THSD7B: variants seen among roughly 807,000 people sequenced by gnomAD.
The protein encoded by THSD7B is thrombospondin type-1 domain-containing protein 7B.
In THSD7B, 138 loss-of-function variants were observed where a neutral mutation model predicts 213.6. That is an observed-to-expected ratio of 0.65 (90% CI 0.56 to 0.74). The LOEUF is 0.74. Among genes scored for constraint, THSD7B ranks in the 30% least tolerant of loss-of-function variants. THSD7B has a pLI of 0.00. For missense variants in THSD7B, 1,931 were observed against 1,991.5 expected (o/e 0.97, Z 0.58); for synonymous variants, 742 against 687.0 (o/e 1.08, Z -1.25).
At chr2:136,853,621 A>G (rs908354590) in intron 1 of THSD7B, among the ~76,000 whole-genome samples, 1 of 152,178 alleles carries the variant, frequency 6.6e-6, no homozygotes, top group Non-Finnish European at 1.5e-5. Context: ...TGTTTGAGTA[A>G]CATTTTGTGG....
chr2:137,111,279 A>G (rs1463974394), intron 4 of THSD7B, among the ~76,000 whole-genome samples: 2 of 152,184 alleles, frequency 1.3e-5, no homozygotes, highest in South Asian at 2.1e-4. Context: ...TCCTCGGACC[A>G]AGATCAACAT....
intron 12 of THSD7B, among the ~76,000 whole-genome samples, chr2:137,364,568 G>A (rs1350373614): frequency 6.6e-6 from 1 of 152,096 alleles, no homozygotes; most frequent in African/African-American, 2.4e-5. Context: ...AAATCAATGT[G>A]CCAAAATCAC....
chr2:136,890,358 C>CTTT, intron 2 of THSD7B, among the ~76,000 whole-genome samples: 1 of 5,686 alleles, frequency 1.8e-4, no homozygotes, highest in Non-Finnish European at 4.6e-4. Context: ...TCTTCTTCTT[C>CTTT]TTCTTCTTCT....
At chr2:137,511,443 G>GT (rs1679959263) in intron 15 of THSD7B, among the ~76,000 whole-genome samples, 1 of 152,126 alleles carries the variant, frequency 6.6e-6, no homozygotes, top group Non-Finnish European at 1.5e-5. Context: ...TCAGTTTCAG[G>GT]TCCCCCCTGC....
intron 2 of THSD7B, among the ~76,000 whole-genome samples, chr2:136,894,784 G>A (rs1255622962): frequency 1.3e-5 from 2 of 152,058 alleles, no homozygotes; most frequent in African/African-American, 4.8e-5. Flanking sequence ...TTTTCTGCAC[G>A]TTAAAGTTTA....
intron 13 of THSD7B, among the ~76,000 whole-genome samples, chr2:137,406,795 G>A (rs1686530561): frequency 6.6e-6 from 1 of 152,192 alleles, no homozygotes; most frequent in Admixed American, 6.5e-5. Context: ...CACCAAACAA[G>A]AAATGCTGTA....
At chr2:137,156,312 G>A (rs1679908343) in intron 5 of THSD7B, 1 of 152,092 alleles carries the variant, frequency 6.6e-6, no homozygotes, top group African/African-American at 2.4e-5. Flanking sequence ...TCTAAATGAA[G>A]CATCTTAGAC....
intron 15 of THSD7B, among the ~76,000 whole-genome samples, chr2:137,521,519 C>T (rs1351570924): frequency 6.6e-6 from 1 of 152,046 alleles, no homozygotes; most frequent in African/African-American, 2.4e-5. Context: ...CTCATTGGAC[C>T]CTTTCTCTTC....
chr2:137,250,388 G>A (rs1259827806), intron 10 of THSD7B, among the ~76,000 whole-genome samples: 2 of 152,038 alleles, frequency 1.3e-5, no homozygotes, highest in Non-Finnish European at 2.9e-5. Flanking sequence ...TAATAATAAA[G>A]CATATTTCAA....
At chr2:137,280,738 A>G (rs1008212486) in intron 12 of THSD7B, among the ~76,000 whole-genome samples, 4 of 152,128 alleles carry the variant, frequency 2.6e-5, no homozygotes, top group Non-Finnish European at 5.9e-5. Context: ...ATGGCAAATA[A>G]AAGTATAAGA....
chr2:137,622,405 G>A (rs1395595221), intron 20 of THSD7B, among the ~76,000 whole-genome samples: 1 of 151,978 alleles, frequency 6.6e-6, no homozygotes, highest in African/African-American at 2.4e-5. Flanking sequence ...ATACAGTGGT[G>A]GTATAGACAT....
chr2:137,443,607 G>C (rs1279184007), intron 14 of THSD7B, among the ~76,000 whole-genome samples: 2 of 151,992 alleles, frequency 1.3e-5, no homozygotes, highest in Non-Finnish European at 2.9e-5. Context: ...CTGGGCCATA[G>C]TAATTATTTT....
At chr2:137,662,064 T>TC (rs202011805) in intron 25 of THSD7B, among the ~76,000 whole-genome samples, 3,369 of 115,644 alleles carry the variant, frequency 0.029, 116 homozygotes, top group African/African-American at 0.096. Context: ...TCTTTTTTCT[T>TC]TTTTTTTTTT....
chr2:137,586,564 G>A (rs577127033), intron 17 of THSD7B, among the ~76,000 whole-genome samples: 1 of 152,188 alleles, frequency 6.6e-6, no homozygotes, highest in Non-Finnish European at 1.5e-5. Flanking sequence ...TTGCTTGTCT[G>A]TAAAGGATTT....
At chr2:137,223,825 G>A (rs912853576) in intron 7 of THSD7B, among the ~76,000 whole-genome samples, 1 of 152,028 alleles carries the variant, frequency 6.6e-6, no homozygotes, top group African/African-American at 2.4e-5. Context: ...ACATGGAGGC[G>A]GATATTCCCC....
chr2:137,283,970 A>G (rs554818006), intron 12 of THSD7B, among the ~76,000 whole-genome samples: 25 of 152,244 alleles, frequency 1.6e-4, no homozygotes, highest in Non-Finnish European at 2.9e-4. Flanking sequence ...TTTCAGAAGG[A>G]ATGGTACCAG....
chr2:137,285,197 G>C (rs1029358981), intron 12 of THSD7B, among the ~76,000 whole-genome samples: 1 of 152,052 alleles, frequency 6.6e-6, no homozygotes, highest in Non-Finnish European at 1.5e-5. Context: ...TTTAAAGTCT[G>C]TTTTATCAGA....
At chr2:137,206,043 AT>A (rs150280001) in intron 7 of THSD7B, among the ~76,000 whole-genome samples, 86,889 of 134,976 alleles carry the variant, frequency 0.64, 25,313 homozygotes, top group South Asian at 0.73. Context: ...AACAGTGATT[AT>A]CCTTTTTTTT....
chr2:137,220,317 G>A (rs1250987927), intron 7 of THSD7B, among the ~76,000 whole-genome samples: 2 of 151,554 alleles, frequency 1.3e-5, no homozygotes, highest in East Asian at 3.9e-4. Flanking sequence ...AATGTATAAG[G>A]AACTTACAAA....
Sources: gnomAD v4.1 joint callset for allele counts (sites outside exome capture counted in the v4.1 genomes callset) on GRCh38, gnomAD v4.1.1 for gene constraint, MANE v1.5 for transcripts, NCBI Gene and HGNC (gene_info 2026-07-23, HGNC 2026-07-21) for gene names.